SLC37A2: variants seen among roughly 807,000 people sequenced by gnomAD.
SLC37A2 encodes the protein solute carrier family 37 member 2.
Under a neutral mutation model 70.7 loss-of-function variants are expected in SLC37A2, and 59 were observed. The ratio of observed to expected loss-of-function variants is 0.83; its 90% CI spans 0.68 to 1.04. The LOEUF (loss-of-function observed/expected upper bound fraction) is 1.04. Among genes scored for constraint, SLC37A2 ranks in the 50% least tolerant of loss-of-function variants. The pLI, the probability that SLC37A2 is intolerant of heterozygous loss-of-function variation, is 0.00. For synonymous variants in SLC37A2, 257 were observed against 262.1 expected, an observed-to-expected ratio of 0.98 and a Z score of 0.19; for missense variants, 580 against 658.1, an observed-to-expected ratio of 0.88 and a Z score of 1.30.
At chr11:125,070,171 T>C (rs1008897063) in intron 1 of SLC37A2, among the ~76,000 whole-genome samples, 1 of 152,176 alleles carries the variant, frequency 6.6e-6, no homozygotes, top group Non-Finnish European at 1.5e-5. Flanking sequence ...GCAGGAGCTG[T>C]GAGCTCCTGT....
chr11:125,077,138 T>C (rs1949095707), intron 2 of SLC37A2, 92 bp from the exon 3 acceptor site: 1 of 1,007,164 alleles, frequency 9.9e-7, no homozygotes, highest in African/African-American at 1.6e-5. Flanking sequence ...TAGAATCTGG[T>C]AGGAGGCAGT....
intron 1 of SLC37A2, among the ~76,000 whole-genome samples, chr11:125,070,541 G>A (rs1292779035): frequency 1.3e-5 from 2 of 152,198 alleles, no homozygotes; most frequent in African/African-American, 2.4e-5. Context: ...AATTTTGCTC[G>A]AAGTCTGATG....
intron 4 of SLC37A2, 26 bp from the exon 5 acceptor site, chr11:125,079,086 C>A: frequency 6.2e-7 from 1 of 1,613,798 alleles, no homozygotes; most frequent in Non-Finnish European, 8.5e-7. Flanking sequence ...GGAGCTTAAC[C>A]GCAGATCCAA....
intron 12 of SLC37A2, 102 bp downstream of exon 12, chr11:125,084,421 C>A: frequency 8.4e-7 from 1 of 1,194,080 alleles, no homozygotes; most frequent in Non-Finnish European, 1.2e-6. Context: ...ATTGATGTCG[C>A]TGTGTACGCG....
chr11:125,082,451 C>T, intron 10 of SLC37A2, 117 bp downstream of exon 10: 2 of 868,658 alleles, frequency 2.3e-6, no homozygotes, highest in South Asian at 1.4e-5. Flanking sequence ...AGAATTCCTG[C>T]TGAACCTCTC....
intron 1 of SLC37A2, among the ~76,000 whole-genome samples, chr11:125,072,500 C>T (rs1433662791): frequency 6.6e-6 from 1 of 152,194 alleles, no homozygotes; most frequent in Non-Finnish European, 1.5e-5. Context: ...CCTACTTGCC[C>T]AGCCTGGCCC....
chr11:125,064,298 C>G (rs759444630), intron 1 of SLC37A2, among the ~76,000 whole-genome samples: 21 of 152,128 alleles, frequency 1.4e-4, no homozygotes, highest in Non-Finnish European at 2.8e-4. Context: ...GAGTTCGAGA[C>G]CAGCCTGGCC....
At chr11:125,079,315 C>T in intron 5 of SLC37A2, 68 bp downstream of exon 5, 2 of 1,600,196 alleles carry the variant, frequency 1.2e-6, no homozygotes, top group East Asian at 4.5e-5. Context: ...GACCGCAGCT[C>T]ACAGCGGGTG....
chr11:125,077,660 C>T, intron 4 of SLC37A2, 132 bp downstream of exon 4: 1 of 663,294 alleles, frequency 1.5e-6, no homozygotes, highest in South Asian at 2.0e-5. Context: ...AGCCATCCTC[C>T]TTGCCTTACC....
chr11:125,082,991 A>G (rs993267157), intron 10 of SLC37A2: 1 of 152,692 alleles, frequency 6.5e-6, no homozygotes, highest in African/African-American at 2.4e-5. Flanking sequence ...TCTACCAAAC[A>G]GCAGCCCACC....
intron 6 of SLC37A2, among the ~76,000 whole-genome samples, 192 bp downstream of exon 6, chr11:125,079,952 G>A (rs1949129405): frequency 6.6e-6 from 1 of 152,170 alleles, no homozygotes; most frequent in South Asian, 2.1e-4. Flanking sequence ...CATAGAGCAG[G>A]CAACCTTAGT....
intron 17 of SLC37A2, chr11:125,086,268 T>A: frequency 6.2e-7 from 1 of 1,603,776 alleles, no homozygotes; most frequent in African/African-American, 1.3e-5. Context: ...TTTGTGAGTA[T>A]TTACTTCGAG....
intron 17 of SLC37A2, chr11:125,086,287 T>G (rs187230612): frequency 1.3e-6 from 2 of 1,555,326 alleles, no homozygotes; most frequent in African/African-American, 1.4e-5. Flanking sequence ...AGTCTGTGAC[T>G]CGAGTGCCAT....
chr11:125,065,347 T>A (rs1948970543), intron 1 of SLC37A2, among the ~76,000 whole-genome samples: 1 of 152,242 alleles, frequency 6.6e-6, no homozygotes, highest in Non-Finnish European at 1.5e-5. Context: ...ATATACCCCT[T>A]GTTAAGTTAA....
rs976443483 is a variant in SLC37A2 at position 125,081,405 on chromosome 11, C to T, written c.695-16C>T. On this transcript the variant is annotated splice_polypyrimidine_tract_variant and intron_variant, in intron 7 of 17. Transcript: ENST00000403796. ...GGGGGTTGGGAAACTTCTTAGAAAG[C>T]GATTTTTTTTTCTAGACCCAGAAGA... 1.1e-5 allele frequency: 18 copies of T among 1,602,066 alleles called. No homozygotes were observed. Among genetic ancestry groups the T allele is most frequent in the African/African-American group, 4.0e-5 (3 of 74,404 alleles).
intron 8 of SLC37A2, 81 bp downstream of exon 8, chr11:125,081,539 G>T: frequency 6.6e-7 from 1 of 1,508,170 alleles, no homozygotes; most frequent in Non-Finnish European, 9.0e-7. Context: ...TGGGGAGCTA[G>T]AGCAGGGAGT....
At chr11:125,070,916 T>C (rs1415773173) in intron 1 of SLC37A2, among the ~76,000 whole-genome samples, 1 of 152,230 alleles carries the variant, frequency 6.6e-6, no homozygotes, top group Non-Finnish European at 1.5e-5. Flanking sequence ...ACTCAGGCCC[T>C]GTGGGCTGGT....
Position 125,086,026 on chromosome 11 carries a change from C to G in SLC37A2, c.1490+8C>G, listed in dbSNP as rs369922778. 6.2e-7 allele frequency: 1 copy of G among 1,613,496 alleles called. No individual in the cohort carries two copies. ...CCTGAGCAGAGGCAGCGGGTGAGTCCGGGGAGCTGAAGCTGCCCCTCTACC... is the reference window on the plus strand; with the variant it reads ...CCTGAGCAGAGGCAGCGGGTGAGTCGGGGGAGCTGAAGCTGCCCCTCTACC... On this transcript the variant is annotated splice_region_variant and intron_variant, in intron 17 of 17. Transcript: ENST00000403796.
intron 11 of SLC37A2, 43 bp from the exon 12 acceptor site, chr11:125,084,191 G>C: frequency 6.2e-7 from 1 of 1,607,638 alleles, no homozygotes; most frequent in Non-Finnish European, 8.5e-7. Flanking sequence ...GGGATGGCAG[G>C]GTCCTGTCTG....
Sources: gnomAD v4.1 joint callset for allele counts (sites outside exome capture counted in the v4.1 genomes callset) on GRCh38, gnomAD v4.1.1 for gene constraint, MANE v1.5 for transcripts, NCBI Gene and HGNC (gene_info 2026-07-23, HGNC 2026-07-21) for gene names.